Variants in ARHGAP15 observed in about 807,000 individuals in gnomAD.
ARHGAP15 encodes the protein rho GTPase-activating protein 15.
ARHGAP15 carries 51 observed loss-of-function variants against 63.7 expected under a neutral mutation model. The ratio of observed to expected loss-of-function variants is 0.80; its 90% CI spans 0.64 to 1.01. The LOEUF is 1.01. Ranked by LOEUF, ARHGAP15 falls within the 50% of genes least tolerant of loss-of-function variation. The probability of loss-of-function intolerance (pLI) is 0.00; values close to 1 mark genes in which losing one functional copy is unlikely to be tolerated. For missense variants in ARHGAP15, 560 were observed against 564.6 expected, an observed-to-expected ratio of 0.99 and a Z score of 0.08; for synonymous variants, 191 against 193.8, an observed-to-expected ratio of 0.99 and a Z score of 0.12.
chr2:143,513,653 C>T (rs1440944081), intron 9 of ARHGAP15, among the ~76,000 whole-genome samples: 2 of 152,182 alleles, frequency 1.3e-5, no homozygotes, highest in Non-Finnish European at 2.9e-5. Context: ...TCTCTCATAA[C>T]CATTCTGCTG....
At chr2:143,505,030 G>A (rs1261230858) in intron 9 of ARHGAP15, among the ~76,000 whole-genome samples, 1 of 152,206 alleles carries the variant, frequency 6.6e-6, no homozygotes, top group Non-Finnish European at 1.5e-5. Flanking sequence ...CACAAGGTGA[G>A]AGAGTAGCTT....
At chr2:143,737,973 G>C (rs1685817381) in intron 13 of ARHGAP15, among the ~76,000 whole-genome samples, 1 of 152,020 alleles carries the variant, frequency 6.6e-6, no homozygotes, top group African/African-American at 2.4e-5. Flanking sequence ...GGTCAGGTTG[G>C]TCTCAAACTC....
At chr2:143,234,509 C>T (rs1400810851) in intron 5 of ARHGAP15, among the ~76,000 whole-genome samples, 1 of 152,158 alleles carries the variant, frequency 6.6e-6, no homozygotes, top group East Asian at 1.9e-4. Flanking sequence ...CAGAGACTGA[C>T]TATCTCAATC....
intron 11 of ARHGAP15, among the ~76,000 whole-genome samples, chr2:143,613,830 A>G (rs1180143284): frequency 6.6e-6 from 1 of 152,134 alleles, no homozygotes; most frequent in Non-Finnish European, 1.5e-5. Flanking sequence ...CTTTTTGGAC[A>G]CACCACCCCT....
At chr2:143,394,103 CCTA>C (rs1314944660) in intron 6 of ARHGAP15, among the ~76,000 whole-genome samples, 1 of 152,128 alleles carries the variant, frequency 6.6e-6, no homozygotes, top group Admixed American at 6.6e-5. Context: ...ACTAAATAAG[CCTA>C]CAATACATAC....
chr2:143,325,679 C>A (rs1321049544), intron 6 of ARHGAP15, among the ~76,000 whole-genome samples: 1 of 152,042 alleles, frequency 6.6e-6, no homozygotes, highest in East Asian at 1.9e-4. Context: ...ACATTAAGTC[C>A]TTTATTTGGG....
In ARHGAP15 at chr2:143,516,251, C is replaced by A. The variant is rs536474443; in HGVS notation, c.827-3015C>A. 2.0e-5 allele frequency among the ~76,000 whole-genome samples: 3 copies of A among 152,348 alleles called. 1 individual carries two copies. The South Asian group carries it at 6.2e-4, about 32-fold the overall frequency. ...CCTAGCTCTAAATACAGTATAGCCA[C>A]TCAAGATGTTCTTTTGCAAATAACT... On this transcript the variant is annotated intron_variant, in intron 9 of 13. Transcript: ENST00000295095.
chr2:143,646,966 C>G (rs959448719), intron 12 of ARHGAP15, among the ~76,000 whole-genome samples: 1 of 151,890 alleles, frequency 6.6e-6, no homozygotes, highest in Non-Finnish European at 1.5e-5. Flanking sequence ...TCTTTTCACC[C>G]ACATACTCTT....
At chr2:143,352,741 C>T (rs1685623587) in intron 6 of ARHGAP15, among the ~76,000 whole-genome samples, 1 of 152,160 alleles carries the variant, frequency 6.6e-6, no homozygotes, top group African/African-American at 2.4e-5. Context: ...CAACCCAGCT[C>T]ACATTGACCA....
chr2:143,629,661 G>A (rs1698986701), intron 12 of ARHGAP15, among the ~76,000 whole-genome samples: 2 of 152,106 alleles, frequency 1.3e-5, no homozygotes, highest in South Asian at 4.1e-4. Flanking sequence ...CTGTTTTAAT[G>A]TCTGCATTTT....
At chr2:143,568,220 A>G (rs1422598794) in intron 11 of ARHGAP15, among the ~76,000 whole-genome samples, 2 of 152,206 alleles carry the variant, frequency 1.3e-5, no homozygotes, top group African/African-American at 4.8e-5. Flanking sequence ...AACTACCATC[A>G]GAGTGAACAG....
At chr2:143,652,942 T>TAAGTA (rs1184074341) in intron 12 of ARHGAP15, among the ~76,000 whole-genome samples, 1 of 152,094 alleles carries the variant, frequency 6.6e-6, no homozygotes, top group Non-Finnish European at 1.5e-5. Context: ...AGTACCATGT[T>TAAGTA]AAGTAGAAAT....
intron 12 of ARHGAP15, among the ~76,000 whole-genome samples, chr2:143,691,629 C>T (rs549486607): frequency 2.6e-5 from 4 of 152,244 alleles, no homozygotes; most frequent in African/African-American, 9.6e-5. Flanking sequence ...AATTCCACTC[C>T]CCCCAACACA....
chr2:143,536,467 C>T (rs1694768317), intron 10 of ARHGAP15, among the ~76,000 whole-genome samples: 1 of 151,344 alleles, frequency 6.6e-6, no homozygotes, highest in African/African-American at 2.4e-5. Context: ...TGGGGTGCTG[C>T]ACCCATTAAC....
intron 6 of ARHGAP15, among the ~76,000 whole-genome samples, chr2:143,274,950 C>T (rs1681470822): frequency 6.6e-6 from 1 of 151,594 alleles, no homozygotes; most frequent in South Asian, 2.1e-4. Flanking sequence ...CATTTGAGGT[C>T]AGGAGTTTCA....
intron 6 of ARHGAP15, among the ~76,000 whole-genome samples, chr2:143,297,666 TACTC>T (rs1307685124): frequency 6.6e-6 from 1 of 151,996 alleles, no homozygotes; most frequent in Non-Finnish European, 1.5e-5. Context: ...TTGCCAGTCT[TACTC>T]ACAAGCACTA....
chr2:143,354,691 T>C (rs1285043581), intron 6 of ARHGAP15, among the ~76,000 whole-genome samples: 1 of 152,174 alleles, frequency 6.6e-6, no homozygotes, highest in African/African-American at 2.4e-5. Context: ...TATATTAATA[T>C]AATATGTAAA....
chr2:143,552,101 C>T lies in ARHGAP15; in HGVS notation c.926-4307C>T, dbSNP rs374035255. Among the ~76,000 whole-genome samples, 14 of 152,300 alleles carry T rather than the reference C, an allele frequency of 9.2e-5. 1 individual carries two copies. Among genetic ancestry groups the T allele is most frequent in the African/African-American group, 3.4e-4 (14 of 41,556 alleles). On this transcript the variant is annotated intron_variant, in intron 10 of 13. Transcript: ENST00000295095. ...TCAAAGTATTGCGAGAATGGCACTT[C>T]TTGTGGTAGCTCTGGCCTCCTAGGA... is the stretch of plus-strand genomic sequence containing the variant.
intron 1 of ARHGAP15, among the ~76,000 whole-genome samples, chr2:143,150,351 T>A (rs554747124): frequency 1.3e-5 from 2 of 152,004 alleles, no homozygotes; most frequent in Admixed American, 1.3e-4. Flanking sequence ...TATGATTAGA[T>A]GAAATATCAT....
Sources: gnomAD v4.1 joint callset for allele counts (sites outside exome capture counted in the v4.1 genomes callset) on GRCh38, gnomAD v4.1.1 for gene constraint, MANE v1.5 for transcripts, NCBI Gene and HGNC (gene_info 2026-07-23, HGNC 2026-07-21) for gene names.